Variants in SGCD observed in about 807,000 individuals in gnomAD.
The protein encoded by SGCD is delta-sarcoglycan.
SGCD carries 18 observed loss-of-function variants against 36.6 expected under a neutral mutation model. The ratio of observed to expected loss-of-function variants is 0.49; its 90% CI spans 0.34 to 0.73. The LOEUF is 0.73. Ranked by LOEUF, SGCD falls within the 30% of genes least tolerant of loss-of-function variation. The pLI, the probability that SGCD is intolerant of heterozygous loss-of-function variation, is 0.01. For missense variants in SGCD, 387 were observed against 346.7 expected (o/e 1.12, Z -0.92); for synonymous variants, 133 against 130.6 (o/e 1.02, Z -0.12).
intron 1 of SGCD, among the ~76,000 whole-genome samples, chr5:155,904,838 T>G (rs1231122929): frequency 6.6e-6 from 1 of 152,220 alleles, no homozygotes; most frequent in Non-Finnish European, 1.5e-5. Context: ...TAATTTGCTA[T>G]CATGCCATGT....
intron 3 of SGCD, among the ~76,000 whole-genome samples, chr5:156,484,438 G>A (rs762942469): frequency 5.9e-5 from 9 of 152,132 alleles, no homozygotes; most frequent in Non-Finnish European, 1.2e-4. Context: ...GAGCACAACC[G>A]GCATTTACGA....
intron 4 of SGCD, among the ~76,000 whole-genome samples, chr5:156,541,174 A>G (rs181957641): frequency 1.2e-3 from 187 of 152,314 alleles, no homozygotes; most frequent in Middle Eastern, 6.8e-3. Flanking sequence ...AGCTGATGCT[A>G]TTAGATGAGT....
intron 1 of SGCD, among the ~76,000 whole-genome samples, chr5:156,068,744 G>T (rs899393339): frequency 3.3e-5 from 5 of 151,542 alleles, no homozygotes; most frequent in African/African-American, 9.8e-5. Context: ...CACCAACAGT[G>T]TCAAAGTGTT....
intron 1 of SGCD, among the ~76,000 whole-genome samples, chr5:156,042,206 A>G (rs1759653952): frequency 6.6e-6 from 1 of 150,508 alleles, no homozygotes; most frequent in Admixed American, 6.6e-5. Context: ...TTTTGTCGAT[A>G]GAAGAAAATA....
chr5:156,023,751 T>A (rs888961991), intron 1 of SGCD, among the ~76,000 whole-genome samples: 2 of 152,196 alleles, frequency 1.3e-5, no homozygotes, highest in African/African-American at 2.4e-5. Context: ...TTGTTCAAGA[T>A]GCACAGTAGC....
chr5:156,489,964 C>T (rs1026195471), intron 3 of SGCD, among the ~76,000 whole-genome samples: 2 of 151,296 alleles, frequency 1.3e-5, no homozygotes, highest in African/African-American at 4.9e-5. Flanking sequence ...ATGGATAAAG[C>T]ACTACCTAGA....
Position 156,267,868 on chromosome 5 carries a change from A to G in SGCD, c.-43-61666A>G, listed in dbSNP as rs36048764. 7.3e-3 allele frequency among the ~76,000 whole-genome samples: 1,109 copies of G among 152,304 alleles called. 8 individuals carry two copies. The highest frequency in any genetic ancestry group is 0.054 in the Middle Eastern group (16 of 294). ...TTTTAACTTTTAGGTTCAGAGGTAC[A>G]TATTCAGGTTTGTTATATAGGTAAA... On this transcript the variant is annotated intron_variant, in intron 3 of 9. Transcript: ENST00000517913.
chr5:155,799,214 T>A, the SGCD span, among the ~76,000 whole-genome samples: 1 of 152,188 alleles, frequency 6.6e-6, no homozygotes, highest in Non-Finnish European at 1.5e-5. Flanking sequence ...AATTGAGATC[T>A]GAACAATTGT....
intron 1 of SGCD, among the ~76,000 whole-genome samples, chr5:156,113,853 A>G (rs954275662): frequency 1.3e-5 from 2 of 152,222 alleles, no homozygotes; most frequent in Non-Finnish European, 2.9e-5. Context: ...TTATCAAGCC[A>G]TAAAAGTACA....
chr5:155,952,261 T>C (rs796773800), intron 1 of SGCD, among the ~76,000 whole-genome samples: 9 of 152,234 alleles, frequency 5.9e-5, no homozygotes, highest in African/African-American at 2.2e-4. Context: ...TGCTGACTTA[T>C]ATTGTTAAGG....
intron 7 of SGCD, among the ~76,000 whole-genome samples, chr5:156,658,557 T>C (rs1763779876): frequency 1.4e-5 from 1 of 69,806 alleles, no homozygotes; most frequent in East Asian, 4.8e-4. Flanking sequence ...GGTCATAGAT[T>C]AACAGAATCT....
chr5:156,189,941 G>A (rs912352711), intron 3 of SGCD, among the ~76,000 whole-genome samples: 1 of 152,086 alleles, frequency 6.6e-6, no homozygotes, highest in Admixed American at 6.6e-5. Flanking sequence ...CTATTCATTG[G>A]GTAGCAAATA....
intron 3 of SGCD, among the ~76,000 whole-genome samples, chr5:156,360,789 C>CAG (rs1228467142): frequency 6.6e-6 from 1 of 152,118 alleles, no homozygotes; most frequent in Non-Finnish European, 1.5e-5. Context: ...GCTCCCCTTT[C>CAG]TACTGAGAGC....
At chr5:156,422,801 CTTCAGACA>C (rs1773379266) in intron 3 of SGCD, among the ~76,000 whole-genome samples, 1 of 152,000 alleles carries the variant, frequency 6.6e-6, no homozygotes, top group Non-Finnish European at 1.5e-5. Flanking sequence ...CCAAAATTGT[CTTCAGACA>C]TTGCTCTATG....
chr5:156,075,991 C>T lies in SGCD; in HGVS notation c.-281-41887C>T, dbSNP rs1234823591. ...TTTTTTATTACTCCAAAACCTGGAA[C>T]TTTTTCCAGGTTTGTCCTTTTGATG... is the stretch of plus-strand genomic sequence containing the variant. On this transcript the variant is annotated intron_variant, in intron 1 of 9. Coordinates refer to the SGCD transcript ENST00000517913. 3.3e-5 allele frequency among the ~76,000 whole-genome samples: 5 copies of T among 152,182 alleles called. No homozygotes were observed. The South Asian group carries it at 8.3e-4, about 25-fold the overall frequency.
At chr5:155,757,289 G>T in the SGCD span, among the ~76,000 whole-genome samples, 1 of 152,102 alleles carries the variant, frequency 6.6e-6, no homozygotes, top group Non-Finnish European at 1.5e-5. Context: ...GTACTATATG[G>T]CAGGTACTTC....
the SGCD span, among the ~76,000 whole-genome samples, chr5:155,841,037 G>T: frequency 0.036 from 2,265 of 63,018 alleles, 76 homozygotes; most frequent in African/African-American, 0.12. Context: ...AAAAAAGACT[G>T]GGGCACTGGG....
At chr5:156,667,000 C>T (rs1687706267) in intron 7 of SGCD, among the ~76,000 whole-genome samples, 1 of 151,990 alleles carries the variant, frequency 6.6e-6, no homozygotes, top group Non-Finnish European at 1.5e-5. Flanking sequence ...TTGGGTGTCC[C>T]AAATCCAAAA....
chr5:156,251,904 A>G (rs1581196635), intron 3 of SGCD, among the ~76,000 whole-genome samples: 1 of 152,254 alleles, frequency 6.6e-6, no homozygotes, highest in Admixed American at 6.5e-5. Context: ...ACTCCTCATT[A>G]ACCTTGGACC....
Sources: gnomAD v4.1 joint callset for allele counts (sites outside exome capture counted in the v4.1 genomes callset) on GRCh38, gnomAD v4.1.1 for gene constraint, MANE v1.5 for transcripts, NCBI Gene and HGNC (gene_info 2026-07-23, HGNC 2026-07-21) for gene names.